TPCN2: variants seen among roughly 807,000 people sequenced by gnomAD.
TPCN2 encodes the protein two pore channel protein 2.
A neutral mutation model predicts 111.4 loss-of-function variants in TPCN2; 92 were observed. That is an observed-to-expected ratio of 0.83 (90% CI 0.70 to 0.98). TPCN2 has a LOEUF of 0.98. Ranked by LOEUF, TPCN2 falls within the 50% of genes least tolerant of loss-of-function variation. The probability of loss-of-function intolerance (pLI) is 0.00; values close to 1 mark genes in which losing one functional copy is unlikely to be tolerated. For missense variants in TPCN2, 995 were observed against 980.1 expected, an observed-to-expected ratio of 1.02 and a Z score of -0.20; for synonymous variants, 405 against 414.5, an observed-to-expected ratio of 0.98 and a Z score of 0.28.
Position 69,084,601 on chromosome 11 carries a change from G to T in TPCN2, c.1761+585G>T, listed in dbSNP as rs1856193363. 4.1e-6 allele frequency: 4 copies of T among 985,470 alleles called. No individual in the cohort carries two copies. In the South Asian group the frequency reaches 1.9e-4, roughly 46 times the overall value. 61.0% of individuals were successfully genotyped at this position (985,470 alleles called of 1,614,324 possible). A position where few individuals can be genotyped will look rare whatever the true frequency, so the allele number is the denominator to read the frequency against. On this transcript the variant is annotated intron_variant, in intron 19 of 24. Coordinates refer to ENST00000294309, the MANE Select transcript of TPCN2 (RefSeq NM_139075.4). ...AGGCCCCAGATCCGCGCCGTGCAGA[G>T]TGACAGGAGGCGCCCTTTGCAGGAA... is the stretch of plus-strand genomic sequence containing the variant.
chr11:69,063,785 C>A, intron 6 of TPCN2, 110 bp from the exon 7 acceptor site: 1 of 1,019,516 alleles, frequency 9.8e-7, no homozygotes, highest in Non-Finnish European at 1.5e-6. Flanking sequence ...CTGGATCCAC[C>A]CCAGCTGCTG....
At chr11:69,081,330 C>T (rs1236831148) in intron 17 of TPCN2, 70 bp from the exon 18 acceptor site, 18 of 1,061,236 alleles carry the variant, frequency 1.7e-5, no homozygotes, top group South Asian at 2.9e-5. Flanking sequence ...CAGGAACCCG[C>T]GCGTTTCCTT....
chr11:69,083,918 A>G, intron 18 of TPCN2, 27 bp from the exon 19 acceptor site: 3 of 1,608,848 alleles, frequency 1.9e-6, no homozygotes, highest in Non-Finnish European at 2.6e-6. Context: ...AGGAGGAGTA[A>G]GGGCTGTGCT....
In TPCN2 at chr11:69,078,524, G is replaced by T. The variant is rs377275836; in HGVS notation, c.1273G>T (p.Ala425Ser). 5 of 1,614,110 alleles carry T rather than the reference G, an allele frequency of 3.1e-6. No individual in the cohort carries two copies. The highest frequency in any genetic ancestry group is 2.2e-5 in the East Asian group (1 of 44,882). Residue 425 changes from alanine to serine, a missense_variant, in exon 14 of 25, where the codon GCC (alanine) becomes TCC (serine). Coordinates refer to ENST00000294309, the MANE Select transcript of TPCN2 (RefSeq NM_139075.4). Reference sequence around the variant, plus strand: ...GTACCAGTCTCCGTTTCTGCAGAGCGCCCAGTTCCTCTTCGGCCACTACTA... The same window carrying T: ...GTACCAGTCTCCGTTTCTGCAGAGCTCCCAGTTCCTCTTCGGCCACTACTA... ...PEYQSPFLQS[A>S]QFLFGHYYFD... is the part of the protein sequence containing the mutation.
At chr11:69,087,758 T>C (rs1856342334) in intron 24 of TPCN2, 117 bp from the exon 25 acceptor site, 1 of 717,042 alleles carries the variant, frequency 1.4e-6, no homozygotes, top group African/African-American at 1.8e-5. Flanking sequence ...CGTGTCTCTG[T>C]GTCCCTGTGA....
In TPCN2 at chr11:69,070,812, C is replaced by T. The variant is rs375290036; in HGVS notation, c.895+317C>T. ...CCGAGGGATCCCCCACCAACAGCTT[C>T]ACCCCAGGGATCTCCCACCAGCAGC... On this transcript the variant is annotated intron_variant, in intron 9 of 24. Transcript: ENST00000294309. 1.4e-4 allele frequency among the ~76,000 whole-genome samples: 20 copies of T among 146,042 alleles called. No individual in the cohort carries two copies. The East Asian group carries it at 3.4e-3, about 25-fold the overall frequency.
chr11:69,061,642 C>A (rs1352111715), intron 5 of TPCN2, among the ~76,000 whole-genome samples: 3 of 151,906 alleles, frequency 2.0e-5, no homozygotes, highest in African/African-American at 7.3e-5. Context: ...GGGCGCCAGG[C>A]AGGATGGGAA....
At chr11:69,084,955 C>G (rs370595182) in intron 19 of TPCN2, 1 of 384,780 alleles carries the variant, frequency 2.6e-6, no homozygotes, top group Non-Finnish European at 3.6e-6. Context: ...GCCAGGGTAC[C>G]TGGGGGCAGG....
chr11:69,081,492 G>T lies in TPCN2; in HGVS notation c.1682G>T (p.Ser561Ile). The change falls in exon 18 of 25, where the codon AGC (serine) becomes ATC (isoleucine). Residue 561 changes from serine to isoleucine, a missense_variant. Transcript: ENST00000294309. ...TTCCGCTTCCTGCGTATCATCCCCA[G>T]CATGAAGGTGTGTGCCGGCCCCACC... ...IVFRFLRIIP[S>I]MKLMAVVAST... is the part of the protein sequence containing the mutation. 1 of 1,564,646 alleles carries T rather than the reference G, an allele frequency of 6.4e-7. No homozygotes were observed. The highest frequency in any genetic ancestry group is 8.7e-7 in the Non-Finnish European group (1 of 1,154,338).
chr11:69,072,120 T>TGTGC lies in TPCN2; in HGVS notation c.1061+98_1061+101dup. The TGTGC allele has an allele frequency of 7.7e-6, 8 of 1,043,678 alleles. No individual in the cohort carries two copies. The South Asian group carries it at 1.2e-4, about 16-fold the overall frequency. The allele number at this position is 1,043,678 out of a possible 1,614,324, so 64.7% of individuals were successfully genotyped here. ...CATTAGGGGCTTCTTGTGCTTGGCC[T>TGTGC]GTGCCTCGCCCCTGCTGGCTGGCAC... is the stretch of plus-strand genomic sequence containing the variant. On this transcript the variant is annotated intron_variant, in intron 11 of 24. Coordinates refer to ENST00000294309, the MANE Select transcript of TPCN2 (RefSeq NM_139075.4).
At position 69,086,532 on chromosome 11, in the gene TPCN2, G is replaced by A. The variant is rs372674282; in HGVS notation, c.2013G>A (p.Lys671=). The A allele has an allele frequency of 5.5e-4, 887 of 1,614,032 alleles. No homozygotes were observed. Among genetic ancestry groups the A allele is most frequent in the Non-Finnish European group, 6.7e-4 (796 of 1,180,016 alleles). ...AYRRYSGPWS[K]IYFVLWWLVS... ...TCTCTGTCCTCCGCAGGTGGTCCAA[G>A]ATCTATTTTGTATTGTGGTGGCTGG... is the stretch of plus-strand genomic sequence containing the variant. Residue 671 remains lysine (K), a synonymous_variant, in exon 23 of 25, where the codon AAG becomes AAA. Transcript: ENST00000294309.
At chr11:69,070,057 C>G (rs1309785909) in intron 8 of TPCN2, among the ~76,000 whole-genome samples, 2 of 148,124 alleles carry the variant, frequency 1.4e-5, no homozygotes, top group Non-Finnish European at 3.0e-5. Context: ...TGGTGCCATG[C>G]TCTGTCACCC....
chr11:69,072,675 G>A lies in TPCN2; in HGVS notation c.1110G>A (p.Gln370=). The A allele has an allele frequency of 1.9e-6, 3 of 1,613,862 alleles. No homozygotes were observed. The highest frequency in any genetic ancestry group is 2.5e-6 in the Non-Finnish European group (3 of 1,180,022). Residue 370 remains glutamine, a synonymous_variant, in exon 12 of 25, where the codon CAG becomes CAA. Transcript: ENST00000294309. ...QNLLQVLQKV[Q]LDSSHKQAMM... ...TGCTGCAGGTGCTTCAGAAGGTCCA[G>A]CTGGACAGCTCCCACAAACAGGCCA...
In TPCN2 at chr11:69,085,255, G is replaced by A. The variant is rs758213327; in HGVS notation, c.1807G>A (p.Gly603Ser). 1.2e-6 allele frequency: 2 copies of A among 1,614,072 alleles called. No homozygotes were observed. Among genetic ancestry groups the A allele is most frequent in the East Asian group, 4.5e-5 (2 of 44,868 alleles). The change falls in exon 20 of 25, where the codon GGC becomes AGC. Residue 603 changes from glycine to serine, a missense_variant. Coordinates refer to ENST00000294309, the MANE Select transcript of TPCN2 (RefSeq NM_139075.4). ...CATCATTGGGATCAACTTGTTTAGA[G>A]GCGTCATTGTGGCTCTTCCTGGAAA... ...FAIIGINLFR[G>S]VIVALPGNSS...
chr11:69,085,085 C>A, intron 19 of TPCN2, 125 bp from the exon 20 acceptor site: 1 of 975,348 alleles, frequency 1.0e-6, no homozygotes, highest in South Asian at 1.4e-5. Flanking sequence ...AGGCTGGAAT[C>A]CCAGCCCTGG....
rs553220239 is a variant in TPCN2 at position 69,089,888 on chromosome 11, C to G, written c.*1935C>G. On this transcript the variant is annotated 3_prime_UTR_variant, in exon 25 of 25. Transcript: ENST00000294309. ...AGGCTCAGGTCCTGCTTGTTTGGCCCGTGGGAGCCCCTTCTTCTGCCTTTT... is the reference window on the plus strand; with the variant it reads ...AGGCTCAGGTCCTGCTTGTTTGGCCGGTGGGAGCCCCTTCTTCTGCCTTTT... The G allele has an allele frequency of 6.6e-6, 1 of 150,710 alleles. No individual in the cohort carries two copies. Among genetic ancestry groups the G allele is most frequent in the Non-Finnish European group, 1.5e-5 (1 of 67,614 alleles). The allele number at this position is 150,710 out of a possible 1,614,324, so 9.3% of individuals were successfully genotyped here. A position where few individuals can be genotyped will look rare whatever the true frequency, so the allele number is the denominator to read the frequency against.
intron 13 of TPCN2, among the ~76,000 whole-genome samples, chr11:69,077,640 T>TG (rs931852257): frequency 5.3e-5 from 8 of 152,350 alleles, no homozygotes; most frequent in South Asian, 4.1e-4. Context: ...TGTAGTTACC[T>TG]GGGGAAACAG....
Position 69,085,931 on chromosome 11 carries a change from G to C in TPCN2, c.2003+1G>C. On this transcript the variant is annotated splice_donor_variant, in intron 22 of 24. Coordinates refer to ENST00000294309, the MANE Select transcript of TPCN2 (RefSeq NM_139075.4). LOFTEE classifies it high-confidence loss of function. ...ATGCATATCGGCGCTACTCAGGCCC[G>C]TGAGTCCTCGTCTCCCTGACGGCAG... The C allele has an allele frequency of 6.2e-7, 1 of 1,613,044 alleles. No individual in the cohort carries two copies. The highest frequency in any genetic ancestry group is 8.5e-7 in the Non-Finnish European group (1 of 1,179,306).
At chr11:69,084,455 T>A (rs1856184742) in intron 19 of TPCN2, among the ~76,000 whole-genome samples, 1 of 152,208 alleles carries the variant, frequency 6.6e-6, no homozygotes, top group Non-Finnish European at 1.5e-5. Context: ...CACAGCCACA[T>A]TTGCTGAGCG....
Sources: allele counts gnomAD v4.1 joint callset (sites outside exome capture counted in the v4.1 genomes callset), GRCh38; gene constraint gnomAD v4.1.1; transcripts MANE v1.5; gene names NCBI Gene and HGNC (gene_info 2026-07-23, HGNC 2026-07-21).